Variants in PHACTR4 observed in about 807,000 individuals in gnomAD.
PHACTR4 encodes protein phosphatase 1, regulatory subunit 124.
PHACTR4 carries 51 observed loss-of-function variants against 72.7 expected under a neutral mutation model. The observed-to-expected ratio is 0.70, with a 90% confidence interval of 0.56 to 0.89. The LOEUF (loss-of-function observed/expected upper bound fraction) is 0.89, where lower values mean the gene tolerates loss of function less well. PHACTR4 is among the 40% of genes least tolerant of loss of function. The pLI is 0.00. For missense variants in PHACTR4, 731 were observed against 861.8 expected, an observed-to-expected ratio of 0.85 and a Z score of 1.90; for synonymous variants, 255 against 302.5, an observed-to-expected ratio of 0.84 and a Z score of 1.63.
At chr1:28,477,758 G>T (rs761357285) in intron 8 of PHACTR4, among the ~76,000 whole-genome samples, 1 of 151,762 alleles carries the variant, frequency 6.6e-6, no homozygotes, top group Non-Finnish European at 1.5e-5. Flanking sequence ...CACAATCTCA[G>T]CTCAATGGAA....
chr1:28,466,966 G>A, intron 6 of PHACTR4, 198 bp downstream of exon 6: 2 of 694,332 alleles, frequency 2.9e-6, no homozygotes, highest in Non-Finnish European at 4.5e-6. Flanking sequence ...TGTAATCCCA[G>A]CACTTTGGGA....
chr1:28,452,870 G>A (rs1658076072), intron 2 of PHACTR4, among the ~76,000 whole-genome samples: 1 of 152,124 alleles, frequency 6.6e-6, no homozygotes, highest in Non-Finnish European at 1.5e-5. Flanking sequence ...TGTAATCCCA[G>A]CACTTTGGGA....
chr1:28,496,440 G>GTT, intron 13 of PHACTR4, 94 bp from the exon 14 acceptor site: 1 of 1,377,490 alleles, frequency 7.3e-7, no homozygotes, highest in Non-Finnish European at 1.0e-6. Context: ...GAAAGGCAGT[G>GTT]TTAATTAGGT....
At chr1:28,453,646 T>C (rs1293567304) in intron 2 of PHACTR4, 4 of 1,284,780 alleles carry the variant, frequency 3.1e-6, no homozygotes, top group Non-Finnish European at 3.3e-6. Flanking sequence ...GAGACTCGGT[T>C]CTAACATCCA....
At chr1:28,474,978 TCTCA>T (rs1435524855) in intron 7 of PHACTR4, among the ~76,000 whole-genome samples, 9 of 151,994 alleles carry the variant, frequency 5.9e-5, no homozygotes, top group African/African-American at 2.2e-4. Context: ...TGAGACAGGT[TCTCA>T]CTCTCTCACT....
At chr1:28,380,537 G>C (rs1219265784) in intron 1 of PHACTR4, among the ~76,000 whole-genome samples, 1 of 152,124 alleles carries the variant, frequency 6.6e-6, no homozygotes, top group Non-Finnish European at 1.5e-5. Flanking sequence ...GCACCAGTGA[G>C]TGTTGTTCCC....
At chr1:28,494,313 G>C (rs1477179612) in intron 13 of PHACTR4, 1 of 151,996 alleles carries the variant, frequency 6.6e-6, no homozygotes, top group Non-Finnish European at 1.5e-5. Context: ...AGACCAGCCT[G>C]GGAAACACGG....
chr1:28,472,776 G>C (rs1031730695), intron 6 of PHACTR4, among the ~76,000 whole-genome samples: 1 of 141,016 alleles, frequency 7.1e-6, no homozygotes, highest in Non-Finnish European at 1.5e-5. Flanking sequence ...GCTAATTTTT[G>C]TAATTTTTTT....
At chr1:28,385,614 A>AAT (rs1557777975) in intron 1 of PHACTR4, among the ~76,000 whole-genome samples, 2 of 126,936 alleles carry the variant, frequency 1.6e-5, no homozygotes, top group Non-Finnish European at 3.2e-5. Flanking sequence ...TTTTAAGTGA[A>AAT]TTTTTTTTTT....
intron 1 of PHACTR4, among the ~76,000 whole-genome samples, chr1:28,391,958 T>C (rs1653077900): frequency 1.3e-5 from 2 of 152,114 alleles, no homozygotes; most frequent in African/African-American, 4.8e-5. Flanking sequence ...TTTTAAGTGT[T>C]CTCACCACAA....
chr1:28,430,528 A>G (rs1331590969), intron 2 of PHACTR4, among the ~76,000 whole-genome samples: 1 of 152,184 alleles, frequency 6.6e-6, no homozygotes, highest in African/African-American at 2.4e-5. Flanking sequence ...AGTGCCAGCC[A>G]GCCTAGAGTA....
intron 1 of PHACTR4, among the ~76,000 whole-genome samples, chr1:28,389,785 A>G (rs550466420): frequency 2.0e-5 from 3 of 152,100 alleles, no homozygotes; most frequent in Non-Finnish European, 4.4e-5. Flanking sequence ...CCTGTACACT[A>G]CTGTTCTATG....
chr1:28,413,447 C>T (rs1044388169), intron 2 of PHACTR4, among the ~76,000 whole-genome samples: 1 of 152,132 alleles, frequency 6.6e-6, no homozygotes, highest in African/African-American at 2.4e-5. Flanking sequence ...CCTGTGTTAG[C>T]TCCTTTGTTT....
At chr1:28,417,310 A>G (rs1045833479) in intron 2 of PHACTR4, among the ~76,000 whole-genome samples, 7 of 152,152 alleles carry the variant, frequency 4.6e-5, no homozygotes, top group Non-Finnish European at 7.4e-5. Context: ...CCCAATATGT[A>G]CTGTTTTTTT....
intron 2 of PHACTR4, among the ~76,000 whole-genome samples, chr1:28,433,397 C>T (rs1006162460): frequency 6.6e-6 from 1 of 151,434 alleles, no homozygotes; most frequent in South Asian, 2.1e-4. Flanking sequence ...GGTCAGGGAA[C>T]ATGTAGTGTC....
intron 8 of PHACTR4, among the ~76,000 whole-genome samples, chr1:28,476,769 G>GTTATTTTTTTTTTTT (rs1557841813): frequency 1.2e-5 from 1 of 80,246 alleles, no homozygotes. Context: ...TGCCTAGCCT[G>GTTATTTTTTTTTTTT]TTCTTTTTTT....
intron 2 of PHACTR4, among the ~76,000 whole-genome samples, chr1:28,417,392 A>T (rs1307257434): frequency 6.6e-6 from 1 of 152,236 alleles, no homozygotes; most frequent in Non-Finnish European, 1.5e-5. Flanking sequence ...TAAGAATTTA[A>T]TAACAATAAC....
At chr1:28,370,827 C>T (rs969842206) in intron 1 of PHACTR4, among the ~76,000 whole-genome samples, 2 of 151,992 alleles carry the variant, frequency 1.3e-5, no homozygotes, top group Admixed American at 6.6e-5. Context: ...TGGTGGCGCG[C>T]GCCTGTAATG....
chr1:28,454,032 A>C, intron 2 of PHACTR4: 1 of 357,526 alleles, frequency 2.8e-6, no homozygotes, highest in Non-Finnish European at 5.3e-6. Context: ...CCTGGGCAAG[A>C]TAGCAAGACC....
Sources: gnomAD v4.1 joint callset for allele counts (sites outside exome capture counted in the v4.1 genomes callset) on GRCh38, gnomAD v4.1.1 for gene constraint, MANE v1.5 for transcripts, NCBI Gene and HGNC (gene_info 2026-07-23, HGNC 2026-07-21) for gene names.